Variants in CACNA2D3 observed in about 807,000 individuals in gnomAD.
CACNA2D3 encodes calcium voltage-gated channel auxiliary subunit alpha2delta 3.
In CACNA2D3, 60 loss-of-function variants were observed where a neutral mutation model predicts 160.6. That is an observed-to-expected ratio of 0.37 (90% confidence interval 0.30 to 0.46). CACNA2D3 has a LOEUF of 0.46. CACNA2D3 is among the 20% of genes least tolerant of loss of function. The probability of loss-of-function intolerance (pLI) is 1.00; values close to 1 mark genes in which losing one functional copy is unlikely to be tolerated. For synonymous variants in CACNA2D3, 558 were observed against 492.9 expected, an observed-to-expected ratio of 1.13 and a Z score of -1.75; for missense variants, 1,205 against 1,365.0, an observed-to-expected ratio of 0.88 and a Z score of 1.85.
At chr3:54,194,496 T>C (rs1450134386) in intron 2 of CACNA2D3, among the ~76,000 whole-genome samples, 2 of 152,168 alleles carry the variant, frequency 1.3e-5, no homozygotes, top group Non-Finnish European at 2.9e-5. Flanking sequence ...CTTTCCAAAA[T>C]TCTCTCTGGA....
intron 35 of CACNA2D3, among the ~76,000 whole-genome samples, chr3:55,071,454 C>T (rs1559479731): frequency 2.0e-5 from 3 of 152,110 alleles, no homozygotes; most frequent in Non-Finnish European, 4.4e-5. Flanking sequence ...ATGATTATTC[C>T]TAATTTGAAA....
In CACNA2D3 at chr3:54,896,887, G is replaced by T. The variant is rs1163854691; in HGVS notation, c.2368+17G>T. Reference sequence around the variant, plus strand: ...TCAGCACTGGTGGGTGCCCTTGTTGGAGGCGGGCTCTGTCTGTCTGGTCCA... The same window carrying T: ...TCAGCACTGGTGGGTGCCCTTGTTGTAGGCGGGCTCTGTCTGTCTGGTCCA... On this transcript the variant is annotated intron_variant, in intron 26 of 37. Transcript: ENST00000474759. The T allele has an allele frequency of 1.9e-6, 3 of 1,613,736 alleles. No homozygotes were observed. Among genetic ancestry groups the T allele is most frequent in the Non-Finnish European group, 2.5e-6 (3 of 1,179,858 alleles).
chr3:54,145,452 T>G (rs933913074), intron 2 of CACNA2D3, among the ~76,000 whole-genome samples: 2 of 152,176 alleles, frequency 1.3e-5, no homozygotes, highest in African/African-American at 4.8e-5. Context: ...TGTAAAGAAT[T>G]GCAGTTTTTT....
chr3:54,608,656 A>T (rs981454110), intron 9 of CACNA2D3, among the ~76,000 whole-genome samples: 1 of 152,240 alleles, frequency 6.6e-6, no homozygotes, highest in Non-Finnish European at 1.5e-5. Flanking sequence ...TGGAAATCTC[A>T]GTGGTAGTGC....
intron 6 of CACNA2D3, among the ~76,000 whole-genome samples, chr3:54,568,166 G>T (rs967587013): frequency 1.3e-5 from 2 of 152,192 alleles, no homozygotes; most frequent in Non-Finnish European, 2.9e-5. Context: ...GAAGTCATAG[G>T]TTGTCTTAAA....
intron 3 of CACNA2D3, among the ~76,000 whole-genome samples, chr3:54,383,530 C>T (rs1441059583): frequency 6.6e-6 from 1 of 152,070 alleles, no homozygotes; most frequent in Non-Finnish European, 1.5e-5. Context: ...CTAAAGCTTT[C>T]TAGTGAGAAT....
intron 5 of CACNA2D3, among the ~76,000 whole-genome samples, chr3:54,504,512 G>A (rs543184034): frequency 3.2e-4 from 48 of 152,288 alleles, no homozygotes; most frequent in African/African-American, 4.3e-4. Context: ...AAGGGTTTAA[G>A]TTGTTTTCAG....
At chr3:54,384,297 T>G (rs1310624826) in intron 3 of CACNA2D3, among the ~76,000 whole-genome samples, 1 of 152,238 alleles carries the variant, frequency 6.6e-6, no homozygotes, top group Non-Finnish European at 1.5e-5. Flanking sequence ...CATGACTTGT[T>G]TTGATAATGT....
chr3:54,412,621 T>C lies in CACNA2D3; in HGVS notation c.381+25847T>C, dbSNP rs185588297. ...ATTCTGGTCTTGTTCTTTTTTTTTT[T>C]AGTCTGACAACCTCTGCCTTTTAGT... On this transcript the variant is annotated intron_variant, in intron 4 of 37. Transcript: ENST00000474759. Among the ~76,000 whole-genome samples the C allele has an allele frequency of 2.9e-3, 432 of 149,366 alleles. 9 individuals are homozygous for C. The highest frequency in any genetic ancestry group is 4.2e-3 in the Admixed American group (63 of 14,998).
chr3:54,886,927 G>T (rs1406858178), intron 23 of CACNA2D3, among the ~76,000 whole-genome samples: 1 of 47,964 alleles, frequency 2.1e-5, no homozygotes. Flanking sequence ...TCGCTTTTCA[G>T]CAAAGCTCTT....
intron 2 of CACNA2D3, among the ~76,000 whole-genome samples, chr3:54,260,815 C>G (rs954218237): frequency 2.6e-5 from 4 of 152,114 alleles, no homozygotes; most frequent in African/African-American, 9.7e-5. Flanking sequence ...CTTTGCACAC[C>G]TGGCTCATCA....
intron 11 of CACNA2D3, among the ~76,000 whole-genome samples, chr3:54,708,210 C>G (rs575635355): frequency 2.0e-5 from 3 of 152,256 alleles, no homozygotes; most frequent in African/African-American, 7.2e-5. Flanking sequence ...CTGAATAATC[C>G]ATTCTAATTC....
At chr3:54,993,857 T>C (rs1257659551) in intron 31 of CACNA2D3, among the ~76,000 whole-genome samples, 1 of 147,742 alleles carries the variant, frequency 6.8e-6, no homozygotes, top group African/African-American at 2.5e-5. Context: ...TCTCTCTCTT[T>C]TTTTTTTTTT....
chr3:54,246,775 A>G lies in CACNA2D3; in HGVS notation c.205-73667A>G, dbSNP rs184705937. On this transcript the variant is annotated intron_variant, in intron 2 of 37. Coordinates refer to ENST00000474759, the MANE Select transcript of CACNA2D3 (RefSeq NM_018398.3). Reference sequence around the variant, plus strand: ...TATCTCAGCATCTCAGAAAGCAACTATCATAAATTTTTTTAACACTGCATG... The same window carrying G: ...TATCTCAGCATCTCAGAAAGCAACTGTCATAAATTTTTTTAACACTGCATG... Among the ~76,000 whole-genome samples, 5 of 152,270 alleles carry G rather than the reference A, an allele frequency of 3.3e-5. No homozygotes were observed. The East Asian group carries it at 5.8e-4, about 18-fold the overall frequency.
intron 27 of CACNA2D3, among the ~76,000 whole-genome samples, chr3:54,904,414 C>T (rs984045879): frequency 1.3e-5 from 2 of 152,152 alleles, no homozygotes; most frequent in African/African-American, 4.8e-5. Flanking sequence ...AATCGTCTGT[C>T]TGACTTCCCT....
chr3:54,766,468 C>T (rs948859817), intron 13 of CACNA2D3, among the ~76,000 whole-genome samples: 17 of 152,292 alleles, frequency 1.1e-4, no homozygotes, highest in Admixed American at 1.1e-3. Context: ...TAACCTTGCA[C>T]TCTGTTGGTG....
intron 2 of CACNA2D3, among the ~76,000 whole-genome samples, chr3:54,306,348 A>G (rs1301526177): frequency 6.6e-6 from 1 of 152,222 alleles, no homozygotes. Context: ...AGAGAGAAGT[A>G]TTAGTTACAT....
chr3:54,231,559 A>G (rs1046375609), intron 2 of CACNA2D3, among the ~76,000 whole-genome samples: 4 of 152,234 alleles, frequency 2.6e-5, no homozygotes, highest in African/African-American at 9.6e-5. Flanking sequence ...AGGCTCACAC[A>G]CGTACATAAC....
rs373556430 is a variant in CACNA2D3, at chr3:54,832,011, T to TCATACACACAGCACACA, written c.1399-5146_1399-5145insTACACACAGCACACACA. ...TCCCTCTTTATCTCTCTCTTCTCTGTCACACACACACACACACACACACAC... is the reference window on the plus strand; with the variant it reads ...TCCCTCTTTATCTCTCTCTTCTCTGTCATACACACAGCACACACACACACACACACACACACACACAC... On this transcript the variant is annotated intron_variant, in intron 14 of 37. Coordinates refer to ENST00000474759, the MANE Select transcript of CACNA2D3 (RefSeq NM_018398.3). Among the ~76,000 whole-genome samples, 412 of 118,948 alleles carry TCATACACACAGCACACA rather than the reference T, an allele frequency of 3.5e-3. 7 individuals are homozygous for TCATACACACAGCACACA. The highest frequency in any genetic ancestry group is 0.013 in the African/African-American group (378 of 30,210). The allele number at this position is 118,948 out of a possible 152,430, so 78.0% of individuals were successfully genotyped here.
Sources: allele counts gnomAD v4.1 joint callset (sites outside exome capture counted in the v4.1 genomes callset), GRCh38; gene constraint gnomAD v4.1.1; transcripts MANE v1.5; gene names NCBI Gene and HGNC (gene_info 2026-07-23, HGNC 2026-07-21).